Variants in MAP4K3 observed in about 807,000 individuals in gnomAD.
The protein encoded by MAP4K3 is MAPK/ERK kinase kinase kinase 3.
MAP4K3 carries 94 observed loss-of-function variants against 143.5 expected under a neutral mutation model. The observed-to-expected ratio is 0.65, with a 90% CI of 0.55 to 0.78. MAP4K3 has a LOEUF of 0.78. Among genes scored for constraint, MAP4K3 ranks in the 30% least tolerant of loss-of-function variants. The pLI, the probability that MAP4K3 is intolerant of heterozygous loss-of-function variation, is 0.00. For synonymous variants in MAP4K3, 416 were observed against 347.2 expected, an observed-to-expected ratio of 1.20 and a Z score of -2.20; for missense variants, 1,077 against 1,068.1, an observed-to-expected ratio of 1.01 and a Z score of -0.12.
rs1350383272 is a variant in MAP4K3, at chr2:39,437,205, C to T, written c.-218G>A. Reference sequence around the variant, plus strand: ...GTCCCCGCCCCCCGCGGCCCGCCGCCGCGCCGAACCTGGTCACACCCACAA... The same window carrying T: ...GTCCCCGCCCCCCGCGGCCCGCCGCTGCGCCGAACCTGGTCACACCCACAA... On this transcript the variant is annotated 5_prime_UTR_variant, in exon 1 of 34. Coordinates refer to ENST00000263881, the MANE Select transcript of MAP4K3 (RefSeq NM_003618.4). 5 of 331,248 alleles carry T rather than the reference C, an allele frequency of 1.5e-5. No individual in the cohort carries two copies. Among genetic ancestry groups the T allele is most frequent in the Non-Finnish European group, 2.7e-5 (5 of 185,542 alleles). The allele number at this position is 331,248 out of a possible 1,614,324, so 20.5% of individuals were successfully genotyped here. A position where few individuals can be genotyped will look rare whatever the true frequency, so the allele number is the denominator to read the frequency against.
chr2:39,340,255 A>G (rs999583655), intron 4 of MAP4K3, among the ~76,000 whole-genome samples: 8 of 152,226 alleles, frequency 5.3e-5, no homozygotes, highest in African/African-American at 1.9e-4. Flanking sequence ...TACGTGTCCT[A>G]CATGACCGTG....
At chr2:39,282,950 T>C (rs938877009) in intron 21 of MAP4K3, among the ~76,000 whole-genome samples, 43 of 152,240 alleles carry the variant, frequency 2.8e-4, no homozygotes, top group African/African-American at 8.7e-4. Context: ...GTAATCCATA[T>C]CGGTCATGTA....
intron 1 of MAP4K3, among the ~76,000 whole-genome samples, chr2:39,421,198 T>C (rs528174355): frequency 6.6e-6 from 1 of 152,264 alleles, no homozygotes; most frequent in Admixed American, 6.5e-5. Flanking sequence ...CCCTTATTTC[T>C]ATCACATTTA....
chr2:39,297,369 C>G (rs1287781356), intron 16 of MAP4K3, among the ~76,000 whole-genome samples: 1 of 152,120 alleles, frequency 6.6e-6, no homozygotes, highest in African/African-American at 2.4e-5. Context: ...CTACTCGCCT[C>G]GGCCTCCAAA....
intron 15 of MAP4K3, among the ~76,000 whole-genome samples, chr2:39,302,635 A>C (rs1436093455): frequency 6.6e-6 from 1 of 152,204 alleles, no homozygotes; most frequent in African/African-American, 2.4e-5. Flanking sequence ...CGCTCAAACT[A>C]TCCCAAGATG....
At position 39,286,869 on chromosome 2, in the gene MAP4K3, C is replaced by T. The variant is rs761342207; in HGVS notation, c.1570G>A (p.Glu524Lys). 6.2e-7 allele frequency: 1 copy of T among 1,604,352 alleles called. No individual in the cohort carries two copies. ...EHRGTNLSRKEKKDVPKPISN... is the reference protein window; with the variant it reads ...EHRGTNLSRKKKKDVPKPISN... Reference sequence around the variant, plus strand: ...ATACCTACTGGTACATCTTTCTTTTCTTTTCTTGAAAGGTTTGTGCCTCTA... The same window carrying T: ...ATACCTACTGGTACATCTTTCTTTTTTTTTCTTGAAAGGTTTGTGCCTCTA... Residue 524 changes from glutamate (E) to lysine (K), a missense_variant, in exon 21 of 34, where the codon GAA (glutamate) becomes AAA (lysine). This residue lies in a region of MAP4K3 where 864 missense variants were observed against 801.2 expected (regional missense o/e 1.08). Coordinates refer to ENST00000263881, the MANE Select transcript of MAP4K3 (RefSeq NM_003618.4).
chr2:39,342,108 GTATTATTATTAT>G (rs113261872), intron 4 of MAP4K3, among the ~76,000 whole-genome samples: 72,954 of 142,878 alleles, frequency 0.51, 19,980 homozygotes, highest in Middle Eastern at 0.62. Context: ...TGTCTTTCTA[GTATTATTATTAT>G]TATTATTATT....
At chr2:39,372,860 C>T (rs1666120129) in intron 2 of MAP4K3, among the ~76,000 whole-genome samples, 1 of 152,148 alleles carries the variant, frequency 6.6e-6, no homozygotes. Flanking sequence ...TGGGGAAAAT[C>T]TCCATGACAC....
At chr2:39,414,840 G>A (rs917141036) in intron 1 of MAP4K3, among the ~76,000 whole-genome samples, 2 of 151,264 alleles carry the variant, frequency 1.3e-5, no homozygotes, top group African/African-American at 4.9e-5. Flanking sequence ...TGACGCCACT[G>A]CACTCCAGCC....
chr2:39,310,007 T>C (rs1373147898), intron 13 of MAP4K3, among the ~76,000 whole-genome samples: 1 of 152,190 alleles, frequency 6.6e-6, no homozygotes, highest in Non-Finnish European at 1.5e-5. Context: ...ATTGTAAATA[T>C]TCATGGTGGT....
intron 16 of MAP4K3, among the ~76,000 whole-genome samples, chr2:39,296,763 G>C (rs371240494): frequency 6.6e-6 from 1 of 152,096 alleles, no homozygotes; most frequent in African/African-American, 2.4e-5. Context: ...ATTACTACTT[G>C]TTCATACAAT....
chr2:39,378,031 T>C (rs770133277), intron 2 of MAP4K3, 35 bp downstream of exon 2: 4 of 1,228,758 alleles, frequency 3.3e-6, no homozygotes, highest in Non-Finnish European at 4.7e-6. Flanking sequence ...CATGGCTTTC[T>C]AGCAGTAAGA....
intron 12 of MAP4K3, among the ~76,000 whole-genome samples, chr2:39,320,824 T>C (rs1052899429): frequency 6.6e-6 from 1 of 152,188 alleles, no homozygotes; most frequent in Non-Finnish European, 1.5e-5. Context: ...TTTGAAGCTA[T>C]TGTATTACCT....
intron 15 of MAP4K3, among the ~76,000 whole-genome samples, chr2:39,306,129 A>G (rs1238402957): frequency 2.0e-5 from 3 of 152,106 alleles, no homozygotes; most frequent in African/African-American, 7.2e-5. Flanking sequence ...TGCCCGGCTG[A>G]GTATTTGTAA....
chr2:39,366,107 A>G (rs1043463133), intron 2 of MAP4K3, among the ~76,000 whole-genome samples: 3 of 152,206 alleles, frequency 2.0e-5, no homozygotes, highest in Admixed American at 1.3e-4. Context: ...ATGAGTGACC[A>G]ATGGCCCATG....
In MAP4K3 at chr2:39,265,441, T is replaced by G. The variant is rs552052840; in HGVS notation, c.2033-135A>C. On this transcript the variant is annotated intron_variant, in intron 27 of 33. Coordinates refer to ENST00000263881, the MANE Select transcript of MAP4K3 (RefSeq NM_003618.4). ...ATCAAAAGCTGGTTGCCAGTTCAGT[T>G]TCTTAATTAGAGGGCTGGGTGAAAA... The G allele has an allele frequency of 6.2e-5, 44 of 705,056 alleles. No individual in the cohort carries two copies. The African/African-American group carries it at 7.7e-4, about 12-fold the overall frequency. 43.7% of individuals were successfully genotyped at this position (705,056 alleles called of 1,614,324 possible).
At chr2:39,257,079 G>A (rs1218570878) in intron 31 of MAP4K3, among the ~76,000 whole-genome samples, 1 of 152,196 alleles carries the variant, frequency 6.6e-6, no homozygotes. Context: ...CTAGTTGGGA[G>A]AATGTAGAAA....
chr2:39,364,914 T>G (rs893900635), intron 2 of MAP4K3, among the ~76,000 whole-genome samples: 1 of 150,056 alleles, frequency 6.7e-6, no homozygotes, highest in Non-Finnish European at 1.5e-5. Context: ...CAAGGTTTTA[T>G]CATGCAGATG....
At chr2:39,330,770 A>T (rs1285488254) in intron 8 of MAP4K3, among the ~76,000 whole-genome samples, 2 of 152,214 alleles carry the variant, frequency 1.3e-5, no homozygotes, top group Non-Finnish European at 2.9e-5. Flanking sequence ...GAAGGTATGG[A>T]AAGTGTTAAT....
Sources: allele counts gnomAD v4.1 joint callset (sites outside exome capture counted in the v4.1 genomes callset), GRCh38; gene constraint gnomAD v4.1.1; regional missense constraint gnomAD v4.1.1; transcripts MANE v1.5; gene names NCBI Gene and HGNC (gene_info 2026-07-23, HGNC 2026-07-21).